The following KAZN variants were observed in gnomAD, a reference collection of about 807,000 sequenced individuals.
KAZN encodes the protein kazrin.
In KAZN, 40 loss-of-function variants were observed where a neutral mutation model predicts 87.4. The observed-to-expected ratio is 0.46, with a 90% confidence interval of 0.36 to 0.60. The LOEUF (loss-of-function observed/expected upper bound fraction) is 0.60. KAZN is among the 20% of genes least tolerant of loss of function. The probability of loss-of-function intolerance (pLI) is 0.00; values close to 1 mark genes in which losing one functional copy is unlikely to be tolerated. For missense variants in KAZN, 898 were observed against 1,073.9 expected (o/e 0.84, Z 2.29); for synonymous variants, 466 against 458.3 (o/e 1.02, Z -0.22).
At chr1:14,483,348 GC>G (rs1669183778) in intron 2 of KAZN, among the ~76,000 whole-genome samples, 1 of 152,144 alleles carries the variant, frequency 6.6e-6, no homozygotes, top group South Asian at 2.1e-4. Flanking sequence ...AAAAACATCA[GC>G]AAGAGGGCCC....
At chr1:15,002,030 G>T (rs371922489) in intron 2 of KAZN, among the ~76,000 whole-genome samples, 1 of 151,728 alleles carries the variant, frequency 6.6e-6, no homozygotes, top group African/African-American at 2.4e-5. Flanking sequence ...ACAGGCGCCC[G>T]CCACCACACC....
At chr1:14,457,848 C>G (rs1435787213) in intron 2 of KAZN, among the ~76,000 whole-genome samples, 1 of 146,546 alleles carries the variant, frequency 6.8e-6, no homozygotes, top group Non-Finnish European at 1.5e-5. Context: ...AACGGAATCT[C>G]GCTGTGTCGC....
rs777463102 is a variant in KAZN at position 15,056,087 on chromosome 1, C to T, written c.727-4C>T. 4.6e-5 allele frequency: 73 copies of T among 1,600,954 alleles called. 1 individual carries two copies. In the Middle Eastern group the frequency reaches 5.0e-4, roughly 11 times the overall value. ...TCTTCTTCCTGTCTTCTTGCTCTCT[C>T]CAGGCCAAACAGTCCTTAGCTACGC... On this transcript the variant is annotated splice_region_variant and splice_polypyrimidine_tract_variant and intron_variant, in intron 4 of 14. Coordinates refer to ENST00000376030, the MANE Select transcript of KAZN (RefSeq NM_201628.3). The surrounding 1 kb of genome is among the most constrained non-coding windows in gnomAD (Gnocchi z 5.4).
intron 2 of KAZN, among the ~76,000 whole-genome samples, chr1:14,326,676 T>G (rs1656448605): frequency 6.6e-6 from 1 of 152,204 alleles, no homozygotes; most frequent in Non-Finnish European, 1.5e-5. Context: ...TTCCACTCCC[T>G]GCATCCTTCC....
chr1:14,873,147 GA>G (rs1652377026), intron 1 of KAZN, among the ~76,000 whole-genome samples: 2 of 107,554 alleles, frequency 1.9e-5, no homozygotes, highest in Non-Finnish European at 4.0e-5. Flanking sequence ...TGGATGGAAG[GA>G]TGGATGGATG....
chr1:14,373,897 T>C (rs1660700289), intron 2 of KAZN, among the ~76,000 whole-genome samples: 1 of 152,034 alleles, frequency 6.6e-6, no homozygotes, highest in South Asian at 2.1e-4. Context: ...AGGTTGTTAC[T>C]TAAACGGATC....
chr1:14,637,583 T>TA lies in KAZN; in HGVS notation c.226+38361dup, dbSNP rs1290657060. 2.6e-5 allele frequency among the ~76,000 whole-genome samples: 4 copies of TA among 152,286 alleles called. No individual in the cohort carries two copies. In the East Asian group the frequency reaches 7.7e-4, roughly 29 times the overall value. On this transcript the variant is annotated intron_variant, in intron 1 of 14. Transcript: ENST00000376030. ...CTCTGTAGAGTCGTCTGGTTCCAGC[T>TA]ACCAAAGATTCTGGTTTAATTACTC...
At chr1:15,109,697 TTGTG>T (rs1488673267) in intron 13 of KAZN, among the ~76,000 whole-genome samples, 18 of 151,616 alleles carry the variant, frequency 1.2e-4, no homozygotes, top group East Asian at 1.9e-4. Context: ...ATGTGTATGT[TTGTG>T]TATGAGCGTG....
At chr1:14,410,729 G>A (rs1288534561) in intron 2 of KAZN, among the ~76,000 whole-genome samples, 2 of 152,202 alleles carry the variant, frequency 1.3e-5, no homozygotes, top group East Asian at 1.9e-4. Flanking sequence ...GAAGGGCAAT[G>A]TGAAAGAGAA....
intron 1 of KAZN, among the ~76,000 whole-genome samples, chr1:14,139,531 A>G (rs1368602996): frequency 6.6e-6 from 1 of 152,078 alleles, no homozygotes; most frequent in Non-Finnish European, 1.5e-5. Context: ...TTCCTCCTGG[A>G]GCTCCCAGCC....
chr1:14,300,961 A>G (rs1256539721), intron 2 of KAZN, among the ~76,000 whole-genome samples: 1 of 152,196 alleles, frequency 6.6e-6, no homozygotes, highest in Non-Finnish European at 1.5e-5. Context: ...TGAATTCTGC[A>G]AGCTTGTGGC....
intron 1 of KAZN, among the ~76,000 whole-genome samples, chr1:14,044,999 T>C (rs1333567642): frequency 6.6e-6 from 1 of 152,096 alleles, no homozygotes; most frequent in East Asian, 1.9e-4. Context: ...ATGAGAACCC[T>C]GAGCCACTCA....
At chr1:14,155,675 G>A (rs1366016481) in intron 1 of KAZN, among the ~76,000 whole-genome samples, 1 of 151,224 alleles carries the variant, frequency 6.6e-6, no homozygotes, top group East Asian at 1.9e-4. Context: ...TTTGAGACAG[G>A]GTCTTGCTCT....
At chr1:14,120,255 G>A (rs569025213) in intron 1 of KAZN, among the ~76,000 whole-genome samples, 20 of 151,754 alleles carry the variant, frequency 1.3e-4, no homozygotes, top group Admixed American at 8.5e-4. Flanking sequence ...CATCTCACAT[G>A]GGCAGAGAAG....
At position 14,394,803 on chromosome 1, in the gene KAZN, T is replaced by TA. The variant is rs1254750303; in HGVS notation, c.250-204179dup. 2.0e-5 allele frequency among the ~76,000 whole-genome samples: 3 copies of TA among 152,206 alleles called. No homozygotes were observed. The East Asian group carries it at 5.8e-4, about 29-fold the overall frequency. On this transcript the variant is annotated intron_variant, in intron 2 of 16. Coordinates refer to the KAZN transcript ENST00000636203. ...CGCAGTAAGAACTCTGTGAGGTGGG[T>TA]AGGAAGTGTTCCTCTCTTACAGATA...
intron 1 of KAZN, among the ~76,000 whole-genome samples, chr1:14,123,642 C>T (rs1464539905): frequency 6.6e-6 from 1 of 152,216 alleles, no homozygotes; most frequent in Non-Finnish European, 1.5e-5. Context: ...TCAACCATTT[C>T]ATGCCTGGAT....
Position 14,531,361 on chromosome 1 carries a change from A to G in KAZN, c.250-67622A>G, listed in dbSNP as rs1226257968. 2.6e-5 allele frequency among the ~76,000 whole-genome samples: 4 copies of G among 152,354 alleles called. No individual in the cohort carries two copies. In the South Asian group the frequency reaches 6.2e-4, roughly 24 times the overall value. ...AGATTACCCAAGTAAGCCAACAGGA[A>G]GCCGAAAATGTGTGTTCTCACTTCT... On this transcript the variant is annotated intron_variant, in intron 2 of 16. Coordinates refer to the KAZN transcript ENST00000636203.
chr1:15,065,977 C>T (rs1639196646), intron 8 of KAZN: 8 of 1,364,006 alleles, frequency 5.9e-6, no homozygotes, highest in Non-Finnish European at 7.5e-6. Flanking sequence ...GTGAACCTCT[C>T]TCCCCTGCGT....
intron 1 of KAZN, among the ~76,000 whole-genome samples, chr1:14,737,491 A>G (rs1169554003): frequency 6.6e-6 from 1 of 152,204 alleles, no homozygotes; most frequent in Non-Finnish European, 1.5e-5. Flanking sequence ...GAGAACAGTG[A>G]TGCAGTCACT....
Sources: gnomAD v4.1 joint callset for allele counts (sites outside exome capture counted in the v4.1 genomes callset) on GRCh38, gnomAD v4.1.1 for gene constraint, Gnocchi (gnomAD v3.1) non-coding constraint, MANE v1.5 for transcripts, NCBI Gene and HGNC (gene_info 2026-07-23, HGNC 2026-07-21) for gene names.